Variants in CTNNA2 observed in about 807,000 individuals in gnomAD.
CTNNA2 encodes the protein catenin alpha 2.
Under a neutral mutation model 101.0 loss-of-function variants are expected in CTNNA2, and 42 were observed. The observed-to-expected ratio is 0.42, with a 90% confidence interval of 0.32 to 0.54. CTNNA2 has a LOEUF of 0.54. Among genes scored for constraint, CTNNA2 ranks in the 20% least tolerant of loss-of-function variants. CTNNA2 has a pLI of 0.14. For synonymous variants in CTNNA2, 450 were observed against 456.4 expected (o/e 0.99, Z 0.18); for missense variants, 871 against 1,223.1 (o/e 0.71, Z 4.29).
chr2:80,137,522 G>C (rs1702759401), intron 7 of CTNNA2, among the ~76,000 whole-genome samples: 1 of 152,058 alleles, frequency 6.6e-6, no homozygotes, highest in African/African-American at 2.4e-5. Context: ...AGACTCCCTG[G>C]ACTAGGGAGG....
intron 8 of CTNNA2, among the ~76,000 whole-genome samples, chr2:80,414,252 A>G (rs1455389069): frequency 6.6e-6 from 1 of 152,210 alleles, no homozygotes; most frequent in Non-Finnish European, 1.5e-5. Context: ...GCAGCACTTG[A>G]TTAATCATGT....
intron 7 of CTNNA2, among the ~76,000 whole-genome samples, chr2:79,983,697 T>C (rs1444261464): frequency 6.6e-6 from 1 of 152,214 alleles, no homozygotes; most frequent in African/African-American, 2.4e-5. Flanking sequence ...TGTGTCTCTC[T>C]TGTATTTCCT....
intron 18 of CTNNA2, among the ~76,000 whole-genome samples, chr2:80,644,164 A>C (rs1673800352): frequency 6.6e-6 from 1 of 152,120 alleles, no homozygotes; most frequent in Non-Finnish European, 1.5e-5. Context: ...CTACTTTGCC[A>C]ATGACTGCAG....
intron 7 of CTNNA2, among the ~76,000 whole-genome samples, chr2:79,960,110 G>A (rs933566656): frequency 6.6e-6 from 1 of 152,086 alleles, no homozygotes; most frequent in Non-Finnish European, 1.5e-5. Context: ...TTAATATTTA[G>A]CATCTTCATA....
intron 3 of CTNNA2, among the ~76,000 whole-genome samples, chr2:79,790,438 T>C (rs79709480): frequency 0.019 from 2,939 of 152,208 alleles, 87 homozygotes; most frequent in African/African-American, 0.066. Flanking sequence ...AATATGGTGG[T>C]GAGGGTAAAA....
intron 1 of CTNNA2, among the ~76,000 whole-genome samples, chr2:79,561,238 TG>T (rs1457203711): frequency 6.6e-6 from 1 of 151,964 alleles, no homozygotes; most frequent in East Asian, 1.9e-4. Context: ...TCATCAATGT[TG>T]TAGCATTTAT....
At chr2:79,371,414 C>T (rs1268021787) in intron 3 of CTNNA2, among the ~76,000 whole-genome samples, 3 of 152,052 alleles carry the variant, frequency 2.0e-5, no homozygotes, top group Non-Finnish European at 4.4e-5. Context: ...AGGGAAAAGA[C>T]TCACGATGTG....
intron 3 of CTNNA2, among the ~76,000 whole-genome samples, chr2:79,773,401 G>C (rs141999088): frequency 1.3e-3 from 196 of 152,308 alleles, no homozygotes; most frequent in Non-Finnish European, 2.2e-3. Context: ...GGAGACCTGA[G>C]ACATCAATCA....
chr2:79,436,548 G>T (rs1412939656), intron 4 of CTNNA2, among the ~76,000 whole-genome samples: 1 of 152,130 alleles, frequency 6.6e-6, no homozygotes, highest in African/African-American at 2.4e-5. Context: ...GTTCTGGGCA[G>T]ATTTTCAAAA....
At chr2:80,539,346 C>G (rs966265591) in intron 9 of CTNNA2, among the ~76,000 whole-genome samples, 1 of 133,724 alleles carries the variant, frequency 7.5e-6, no homozygotes, top group African/African-American at 2.9e-5. Context: ...GTTGTTCTTT[C>G]TAGTTCTGCT....
chr2:80,107,332 G>C (rs1164832979), intron 7 of CTNNA2, among the ~76,000 whole-genome samples: 1 of 152,148 alleles, frequency 6.6e-6, no homozygotes, highest in Non-Finnish European at 1.5e-5. Context: ...GAGAGAAACA[G>C]CTTGACTCGA....
intron 2 of CTNNA2, among the ~76,000 whole-genome samples, chr2:79,239,168 G>A (rs1194703761): frequency 6.6e-6 from 1 of 152,026 alleles, no homozygotes; most frequent in African/African-American, 2.4e-5. Flanking sequence ...ACAATTCTAA[G>A]CAAAAACAAG....
At chr2:79,793,921 G>C (rs960009156) in intron 3 of CTNNA2, among the ~76,000 whole-genome samples, 15 of 86,528 alleles carry the variant, frequency 1.7e-4, no homozygotes, top group South Asian at 7.3e-4. Flanking sequence ...CACACACACA[G>C]AAGAAGGAGA....
In CTNNA2 at chr2:80,162,453, G is replaced by T. The variant is rs1275140555; in HGVS notation, c.1057-230758G>T. 11 of 1,590,718 alleles carry T rather than the reference G, an allele frequency of 6.9e-6. No individual in the cohort carries two copies. In the East Asian group the frequency reaches 2.0e-4, roughly 29 times the overall value. ...CAATGTGCTTTTAACATGTGTTAGT[G>T]TCGAGATGAGCGCCATTTTCCATCT... On this transcript the variant is annotated intron_variant, in intron 7 of 18. Transcript: ENST00000402739.
At position 80,528,160 on chromosome 2, in the gene CTNNA2, AGTG is replaced by A. The variant is rs1690200732; in HGVS notation, c.1291-16819_1291-16817del. On this transcript the variant is annotated intron_variant, in intron 9 of 18. Transcript: ENST00000402739. ...AATGAGAGTTTGTTTGGAATAGATC[AGTG>A]GTTCTCAACCTTAGCTGTATTTTTG... 2.0e-5 allele frequency among the ~76,000 whole-genome samples: 3 copies of A among 152,268 alleles called. No homozygotes were observed. The South Asian group carries it at 6.2e-4, about 32-fold the overall frequency.
intron 9 of CTNNA2, among the ~76,000 whole-genome samples, chr2:80,446,116 G>A (rs949800539): frequency 6.6e-6 from 1 of 152,196 alleles, no homozygotes. Context: ...AGTGTGGACT[G>A]TTGCCATAGC....
intron 7 of CTNNA2, among the ~76,000 whole-genome samples, chr2:80,135,861 T>C (rs111929956): frequency 1.3e-5 from 2 of 152,248 alleles, no homozygotes; most frequent in African/African-American, 4.8e-5. Context: ...TTGCACTCCT[T>C]TTCTCCTTGT....
intron 7 of CTNNA2, among the ~76,000 whole-genome samples, chr2:80,219,438 A>G (rs976167523): frequency 1.3e-5 from 2 of 152,202 alleles, no homozygotes; most frequent in African/African-American, 4.8e-5. Flanking sequence ...ATATATTTTC[A>G]CATTTGATTC....
At chr2:79,461,659 C>A (rs1670880820) in intron 4 of CTNNA2, among the ~76,000 whole-genome samples, 1 of 152,066 alleles carries the variant, frequency 6.6e-6, no homozygotes, top group Admixed American at 6.5e-5. Context: ...TCACGCCTAT[C>A]TAAGAAGGAG....
Sources: allele counts gnomAD v4.1 joint callset (sites outside exome capture counted in the v4.1 genomes callset), GRCh38; gene constraint gnomAD v4.1.1; transcripts MANE v1.5; gene names NCBI Gene and HGNC (gene_info 2026-07-23, HGNC 2026-07-21).